The following PTPRG variants were observed in gnomAD, a reference collection of about 807,000 sequenced individuals.
PTPRG encodes the protein receptor-type tyrosine-protein phosphatase gamma.
Under a neutral mutation model 165.3 loss-of-function variants are expected in PTPRG, and 102 were observed. The observed-to-expected ratio is 0.62, with a 90% CI of 0.53 to 0.73. The LOEUF (loss-of-function observed/expected upper bound fraction) is 0.73, where lower values mean the gene tolerates loss of function less well. Ranked by LOEUF, PTPRG falls within the 30% of genes least tolerant of loss-of-function variation. The pLI is 0.00. For synonymous variants in PTPRG, 675 were observed against 669.5 expected (o/e 1.01, Z -0.13); for missense variants, 1,866 against 1,861.4 (o/e 1.00, Z -0.05).
intron 1 of PTPRG, among the ~76,000 whole-genome samples, chr3:61,570,096 C>T (rs1700022404): frequency 6.6e-6 from 1 of 152,102 alleles, no homozygotes; most frequent in Non-Finnish European, 1.5e-5. Flanking sequence ...AATTTGGCTC[C>T]ACTGATGGGA....
chr3:61,834,639 A>G (rs1201951717), intron 2 of PTPRG, among the ~76,000 whole-genome samples: 1 of 152,078 alleles, frequency 6.6e-6, no homozygotes, highest in Non-Finnish European at 1.5e-5. Flanking sequence ...ATGGTGAAAC[A>G]CTGTCTCTAC....
chr3:61,885,914 T>C (rs536302725), intron 2 of PTPRG, among the ~76,000 whole-genome samples: 1 of 150,896 alleles, frequency 6.6e-6, no homozygotes, highest in Non-Finnish European at 1.5e-5. Flanking sequence ...GGGTAGATTC[T>C]TATTCAGCCA....
intron 2 of PTPRG, among the ~76,000 whole-genome samples, chr3:61,904,138 C>T (rs1191568525): frequency 1.3e-5 from 2 of 152,138 alleles, no homozygotes; most frequent in African/African-American, 2.4e-5. Context: ...TCCTCTCTGG[C>T]GTAACCTCAT....
At chr3:61,932,121 G>C (rs2039376518) in intron 2 of PTPRG, among the ~76,000 whole-genome samples, 1 of 152,128 alleles carries the variant, frequency 6.6e-6, no homozygotes, top group Admixed American at 6.6e-5. Context: ...TTACTCTCCA[G>C]GTCAATTATA....
chr3:61,989,798 A>T lies in PTPRG; in HGVS notation c.364A>T (p.Lys122Ter), dbSNP rs1392567337. The change falls in exon 3 of 30, where the codon AAA becomes TAA. Residue 122 changes from lysine to a stop codon, truncating the protein, a stop_gained. Transcript: ENST00000474889. LOFTEE classifies it high-confidence loss of function. The part of the protein sequence containing the change: ...SNKTWMKNTG[K>*]TVAILLKDDY... ...CAAAACCTGGATGAAAAACACAGGG[A>T]AAACAGGTAGACAATGGCTTCTTTA... 6.2e-7 allele frequency: 1 copy of T among 1,613,816 alleles called. No individual in the cohort carries two copies. Among genetic ancestry groups the T allele is most frequent in the African/African-American group, 1.3e-5 (1 of 74,912 alleles).
chr3:61,666,370 T>G (rs1194042503), intron 1 of PTPRG, among the ~76,000 whole-genome samples: 1 of 152,256 alleles, frequency 6.6e-6, no homozygotes, highest in Non-Finnish European at 1.5e-5. Flanking sequence ...TAAGTTAAAC[T>G]TACCAGTCTT....
intron 1 of PTPRG, among the ~76,000 whole-genome samples, chr3:61,709,025 C>T (rs1465861907): frequency 2.6e-5 from 4 of 152,230 alleles, no homozygotes; most frequent in Admixed American, 2.6e-4. Context: ...CAGCTAGCTG[C>T]AGGTATGTTA....
chr3:61,699,027 G>C (rs1298567693), intron 1 of PTPRG, among the ~76,000 whole-genome samples: 1 of 151,902 alleles, frequency 6.6e-6, no homozygotes, highest in Admixed American at 6.6e-5. Context: ...CTGTGGGGTG[G>C]GGGGAGCGGG....
intron 8 of PTPRG, among the ~76,000 whole-genome samples, chr3:62,183,678 C>T: frequency 6.6e-6 from 1 of 152,012 alleles, no homozygotes; most frequent in East Asian, 1.9e-4. Context: ...ACCATGAGCT[C>T]CCTATGCGTT....
intron 1 of PTPRG, among the ~76,000 whole-genome samples, chr3:61,687,986 A>G (rs1202129074): frequency 6.6e-6 from 1 of 152,166 alleles, no homozygotes; most frequent in Non-Finnish European, 1.5e-5. Flanking sequence ...AGCTTTTCCA[A>G]GTTTCTTAGC....
intron 2 of PTPRG, among the ~76,000 whole-genome samples, chr3:61,812,052 A>G (rs1031566230): frequency 3.9e-5 from 6 of 152,214 alleles, no homozygotes; most frequent in Non-Finnish European, 8.8e-5. Flanking sequence ...GGGGAGCACC[A>G]TGAGTTAAGC....
intron 1 of PTPRG, among the ~76,000 whole-genome samples, chr3:61,586,412 A>G (rs539635306): frequency 6.6e-6 from 1 of 152,354 alleles, no homozygotes; most frequent in African/African-American, 2.4e-5. Context: ...ATGATATGGC[A>G]ACCAGTGAGC....
chr3:62,048,239 A>G (rs972203425), intron 4 of PTPRG, among the ~76,000 whole-genome samples: 1 of 152,220 alleles, frequency 6.6e-6, no homozygotes, highest in Non-Finnish European at 1.5e-5. Context: ...TCCTAGAATT[A>G]GAGAAAATAT....
chr3:62,100,740 T>G lies in PTPRG; in HGVS notation c.615+22482T>G, dbSNP rs9866862. Among the ~76,000 whole-genome samples, 355 of 152,364 alleles carry G rather than the reference T, an allele frequency of 2.3e-3. 1 individual carries two copies. Among genetic ancestry groups the G allele is most frequent in the African/African-American group, 8.2e-3 (342 of 41,588 alleles). ...ATGGAATAAATACTAGTAAAGACTT[T>G]ATGGAATACGTAGCAGGAGGCATTT... On this transcript the variant is annotated intron_variant, in intron 5 of 29. Coordinates refer to ENST00000474889, the MANE Select transcript of PTPRG (RefSeq NM_002841.4).
chr3:61,923,292 A>G (rs2039124672), intron 2 of PTPRG, among the ~76,000 whole-genome samples: 1 of 152,136 alleles, frequency 6.6e-6, no homozygotes. Context: ...GGCTTTAGAA[A>G]AGTGCTAAGA....
intron 1 of PTPRG, among the ~76,000 whole-genome samples, chr3:61,679,427 C>T (rs542464131): frequency 2.0e-5 from 3 of 152,248 alleles, no homozygotes; most frequent in Non-Finnish European, 2.9e-5. Flanking sequence ...TTATAAGTCA[C>T]GGAATGACCC....
intron 2 of PTPRG, among the ~76,000 whole-genome samples, chr3:61,880,875 G>T (rs2037869411): frequency 6.6e-6 from 1 of 151,800 alleles, no homozygotes. Flanking sequence ...AGAGTATTGG[G>T]TCTCTTTATC....
At chr3:62,032,808 C>T (rs1200173745) in intron 4 of PTPRG, among the ~76,000 whole-genome samples, 1 of 152,064 alleles carries the variant, frequency 6.6e-6, no homozygotes, top group Non-Finnish European at 1.5e-5. Flanking sequence ...AATCATGACG[C>T]CTCTTCATGT....
intron 7 of PTPRG, among the ~76,000 whole-genome samples, chr3:62,160,475 C>G (rs1250027674): frequency 6.6e-6 from 1 of 152,220 alleles, no homozygotes; most frequent in Non-Finnish European, 1.5e-5. Context: ...AATATCAGGC[C>G]AAAATCATGT....
Sources: gnomAD v4.1 joint callset for allele counts (sites outside exome capture counted in the v4.1 genomes callset) on GRCh38, gnomAD v4.1.1 for gene constraint, MANE v1.5 for transcripts, NCBI Gene and HGNC (gene_info 2026-07-23, HGNC 2026-07-21) for gene names.